Variants in FRAS1 observed in about 807,000 individuals in gnomAD.
The protein encoded by FRAS1 is extracellular matrix organizing protein FRAS1.
Under a neutral mutation model 435.2 loss-of-function variants are expected in FRAS1, and 290 were observed. The ratio of observed to expected loss-of-function variants is 0.67; its 90% CI spans 0.61 to 0.73. FRAS1 has a LOEUF of 0.73. FRAS1 is among the 30% of genes least tolerant of loss of function. FRAS1 has a pLI of 0.00. For synonymous variants in FRAS1, 1,800 were observed against 1,851.0 expected, an observed-to-expected ratio of 0.97 and a Z score of 0.71; for missense variants, 4,860 against 5,001.5, an observed-to-expected ratio of 0.97 and a Z score of 0.85.
chr4:78,463,426 C>T (rs980168794), intron 47 of FRAS1, among the ~76,000 whole-genome samples: 11 of 152,186 alleles, frequency 7.2e-5, no homozygotes, highest in African/African-American at 9.6e-5. Flanking sequence ...CAGAGTCAGG[C>T]GGTAAGTTTT....
chr4:78,487,209 T>A (rs1031039258), intron 58 of FRAS1, among the ~76,000 whole-genome samples: 2 of 152,208 alleles, frequency 1.3e-5, no homozygotes, highest in African/African-American at 4.8e-5. Flanking sequence ...AGTTGTTAAT[T>A]TTCCTTTAGG....
intron 2 of FRAS1, among the ~76,000 whole-genome samples, chr4:78,195,985 G>C (rs1444765548): frequency 1.3e-5 from 2 of 150,212 alleles, no homozygotes; most frequent in Non-Finnish European, 3.0e-5. Flanking sequence ...CCTGAAGGCA[G>C]ATTTCTTATT....
intron 70 of FRAS1, among the ~76,000 whole-genome samples, chr4:78,529,105 A>C (rs751095088): frequency 9.2e-5 from 14 of 152,020 alleles, no homozygotes; most frequent in Non-Finnish European, 1.9e-4. Context: ...AGCTGTTTGG[A>C]GGTGAGGGAG....
At chr4:78,310,091 A>G (rs1032329282) in intron 15 of FRAS1, among the ~76,000 whole-genome samples, 6 of 152,232 alleles carry the variant, frequency 3.9e-5, no homozygotes, top group South Asian at 2.1e-4. Context: ...CTTGGTATCA[A>G]TGAGTCACAG....
chr4:78,170,139 T>A (rs942338641), intron 2 of FRAS1, among the ~76,000 whole-genome samples: 1 of 152,164 alleles, frequency 6.6e-6, no homozygotes, highest in Non-Finnish European at 1.5e-5. Flanking sequence ...TCTCCTGTTA[T>A]TCTGTTTTTA....
In FRAS1 at chr4:78,282,871, G is replaced by T. The variant is rs760917123; in HGVS notation, c.1159G>T (p.Ala387Ser). ...GPCKVCECRG[A>S]QVTCYEPSCP... ...TTGCAAGGTGTGTGAGTGCCGAGGG[G>T]CTCAGGTAACTTGCTACGAGCCCTC... Residue 387 changes from alanine (A) to serine (S), a missense_variant, in exon 12 of 74, where the codon GCT becomes TCT. Coordinates refer to ENST00000512123, the MANE Select transcript of FRAS1 (RefSeq NM_025074.7). 11 of 1,612,878 alleles carry T rather than the reference G, an allele frequency of 6.8e-6. No homozygotes were observed. In the South Asian group the frequency reaches 9.9e-5, roughly 15 times the overall value.
At chr4:78,426,348 TATTATAC>T (rs1733997000) in intron 35 of FRAS1, among the ~76,000 whole-genome samples, 1 of 152,210 alleles carries the variant, frequency 6.6e-6, no homozygotes, top group African/African-American at 2.4e-5. Flanking sequence ...ATCTTGAACC[TATTATAC>T]AGTCCCATGG....
At chr4:78,241,647 C>T (rs927251136) in intron 3 of FRAS1, among the ~76,000 whole-genome samples, 4 of 151,822 alleles carry the variant, frequency 2.6e-5, no homozygotes, top group Non-Finnish European at 5.9e-5. Flanking sequence ...GAATGGGAGG[C>T]CAGCTGGGGG....
chr4:78,494,658 C>T (rs1286581502), intron 59 of FRAS1, among the ~76,000 whole-genome samples: 2 of 152,142 alleles, frequency 1.3e-5, no homozygotes, highest in East Asian at 3.8e-4. Context: ...GATCAAATTT[C>T]AACAGGAGAT....
intron 2 of FRAS1, among the ~76,000 whole-genome samples, chr4:78,211,686 A>T (rs567420077): frequency 1.4e-5 from 2 of 146,546 alleles, no homozygotes; most frequent in Non-Finnish European, 1.5e-5. Context: ...CCCCTCTTTT[A>T]AAAAAAATTG....
chr4:78,534,596 C>T lies in FRAS1; in HGVS notation c.11073C>T (p.Tyr3691=), dbSNP rs1352194984. The T allele has an allele frequency of 6.2e-7, 1 of 1,612,962 alleles. No homozygotes were observed. The highest frequency in any genetic ancestry group is 1.7e-5 in the Admixed American group (1 of 59,954). The change falls in exon 71 of 74, where the codon TAC becomes TAT. Residue 3691 remains tyrosine, a synonymous_variant. Transcript: ENST00000512123. ...TSDMSLAEMD[Y]KGAFSKGQIL... ...ATATGTCACTAGCAGAAATGGATTA[C>T]AAAGGAGCCTTTTCAAAAGGTGAGT... is the stretch of plus-strand genomic sequence containing the variant.
rs144824666 is a variant in FRAS1, at chr4:78,283,097, A to G, written c.1255+130A>G. ...AACCAATGGGTTTGTTTGTTTCTTCATAATTTTTCTAACAAATGATGCTAA... is the reference window on the plus strand; with the variant it reads ...AACCAATGGGTTTGTTTGTTTCTTCGTAATTTTTCTAACAAATGATGCTAA... On this transcript the variant is annotated intron_variant, in intron 12 of 73. Transcript: ENST00000512123. 4.0e-4 allele frequency: 273 copies of G among 675,114 alleles called. 2 individuals are homozygous for G. The highest frequency in any genetic ancestry group is 3.0e-3 in the Middle Eastern group (7 of 2,364). The allele number at this position is 675,114 out of a possible 1,614,324, so 41.8% of individuals were successfully genotyped here.
At chr4:78,298,030 C>CTCTCTCTCTCTCTA (rs1253600018) in intron 14 of FRAS1, among the ~76,000 whole-genome samples, 5 of 104,084 alleles carry the variant, frequency 4.8e-5, no homozygotes, top group African/African-American at 1.7e-4. Context: ...CTCTCTCTCT[C>CTCTCTCTCTCTCTA]TATATATATA....
In FRAS1 at chr4:78,384,089, C is replaced by G. The variant is rs1391912405; in HGVS notation, c.3594C>G (p.Asp1198Glu). The change falls in exon 28 of 74, where the codon GAC becomes GAG. Residue 1198 changes from aspartate (D) to glutamate (E), a missense_variant. Physicochemically the swap from Asp to Glu is conservative, Grantham distance 45. Coordinates refer to ENST00000512123, the MANE Select transcript of FRAS1 (RefSeq NM_025074.7). ...GTTACCTTTTCCTGAAAATTAGTGA[C>G]CAGCAGTTCTTCTCTGAGCCACAGC... ...RKGYLFLKIS[D>E]QQFFSEPQLI... 6.2e-7 allele frequency: 1 copy of G among 1,606,604 alleles called. No homozygotes were observed. Among genetic ancestry groups the G allele is most frequent in the East Asian group, 2.2e-5 (1 of 44,542 alleles).
chr4:78,355,923 G>A (rs1418295227), intron 20 of FRAS1, among the ~76,000 whole-genome samples: 1 of 152,198 alleles, frequency 6.6e-6, no homozygotes, highest in Non-Finnish European at 1.5e-5. Context: ...ATCTGAATTA[G>A]AGGGCTCATC....
At chr4:78,129,653 C>T (rs567563078) in intron 2 of FRAS1, among the ~76,000 whole-genome samples, 3 of 152,222 alleles carry the variant, frequency 2.0e-5, no homozygotes, top group East Asian at 1.9e-4. Flanking sequence ...GTAAAGACTT[C>T]CAGAGTCTAG....
chr4:78,347,713 C>G (rs12643134), intron 20 of FRAS1, among the ~76,000 whole-genome samples: 14,803 of 151,368 alleles, frequency 0.098, 800 homozygotes, highest in African/African-American at 0.13. Flanking sequence ...AAAATATTCT[C>G]TGATCCTTCT....
At chr4:78,272,422 T>C (rs1171162420) in intron 9 of FRAS1, among the ~76,000 whole-genome samples, 1 of 152,242 alleles carries the variant, frequency 6.6e-6, no homozygotes, top group Non-Finnish European at 1.5e-5. Context: ...CTAGGTTTTG[T>C]TCTAGGATTT....
rs534926844 is a variant in FRAS1, at chr4:78,084,385, G to C, written c.108+18369G>C. 4.6e-5 allele frequency among the ~76,000 whole-genome samples: 7 copies of C among 152,166 alleles called. No homozygotes were observed. The South Asian group carries it at 6.2e-4, about 14-fold the overall frequency. On this transcript the variant is annotated intron_variant, in intron 2 of 73. Coordinates refer to ENST00000512123, the MANE Select transcript of FRAS1 (RefSeq NM_025074.7). ...GCTGTTACTATTGATTGATTCCTTA[G>C]GCTGCAAGTTGGTGGTTTTGACTTA...
Sources: allele counts gnomAD v4.1 joint callset (sites outside exome capture counted in the v4.1 genomes callset), GRCh38; gene constraint gnomAD v4.1.1; transcripts MANE v1.5; gene names NCBI Gene and HGNC (gene_info 2026-07-23, HGNC 2026-07-21).